Variants in EFHC2 observed in about 807,000 individuals in gnomAD.
EFHC2 encodes EF-hand domain-containing family member C2.
A neutral mutation model predicts 52.7 loss-of-function variants in EFHC2; 18 were observed. The ratio of observed to expected loss-of-function variants is 0.34; its 90% CI spans 0.24 to 0.51. The LOEUF is 0.51. Among genes scored for constraint, EFHC2 ranks in the 20% least tolerant of loss-of-function variants. The pLI is 0.97. For synonymous variants in EFHC2, 203 were observed against 204.1 expected (o/e 0.99, Z 0.04); for missense variants, 513 against 562.5 (o/e 0.91, Z 0.89).
intron 2 of EFHC2, among the ~76,000 whole-genome samples, chrX:44,274,649 A>T (rs1285107407): frequency 8.9e-6 from 1 of 111,880 alleles, no homozygotes; most frequent in Non-Finnish European, 1.9e-5. Flanking sequence ...ACAGTGGCTC[A>T]GGCCTGTGGC....
intron 4 of EFHC2, among the ~76,000 whole-genome samples, chrX:44,259,401 G>A (rs1178761166): frequency 9.1e-6 from 1 of 110,075 alleles, no homozygotes; most frequent in Non-Finnish European, 1.9e-5. Context: ...CTGTCAGGGG[G>A]TGGGGGGATA....
intron 2 of EFHC2, chrX:44,285,291 C>G (rs1357515122): frequency 2.7e-5 from 3 of 111,833 alleles, no homozygotes; most frequent in Non-Finnish European, 5.6e-5. Context: ...GAAGGCAGAT[C>G]CAAGAATTCT....
At chrX:44,162,359 G>T (rs1242530694) in intron 14 of EFHC2, among the ~76,000 whole-genome samples, 1 of 111,392 alleles carries the variant, frequency 9.0e-6, no homozygotes, top group East Asian at 2.8e-4. Context: ...GGAGGTGGAG[G>T]TTGTGGTGAG....
At chrX:44,156,602 A>T (rs10521433) in intron 14 of EFHC2, among the ~76,000 whole-genome samples, 20,401 of 111,433 alleles carry the variant, frequency 0.18, 1,731 homozygotes, top group East Asian at 0.28. Flanking sequence ...ATATCATCCT[A>T]TTGTGAAAGA....
intron 4 of EFHC2, among the ~76,000 whole-genome samples, chrX:44,254,640 C>T (rs1021031722): frequency 8.9e-5 from 10 of 111,886 alleles, no homozygotes; most frequent in African/African-American, 3.3e-4. Context: ...ACCAAACGTA[C>T]GTTTGATTGG....
At chrX:44,204,432 A>T (rs1474026700) in intron 11 of EFHC2, among the ~76,000 whole-genome samples, 5 of 111,454 alleles carry the variant, frequency 4.5e-5, no homozygotes, top group Non-Finnish European at 7.5e-5. Context: ...TTGCAAGGAA[A>T]CTCAACAATA....
chrX:44,253,780 C>G (rs929658433), intron 4 of EFHC2, among the ~76,000 whole-genome samples: 5 of 112,254 alleles, frequency 4.5e-5, no homozygotes, highest in Non-Finnish European at 9.4e-5. Flanking sequence ...TGCTAAAGGA[C>G]AGATTGCCTC....
At chrX:44,244,567 A>T (rs1602173189) in intron 7 of EFHC2, among the ~76,000 whole-genome samples, 1 of 112,480 alleles carries the variant, frequency 8.9e-6, no homozygotes, top group Non-Finnish European at 1.9e-5. Flanking sequence ...GTGACTTGTC[A>T]AAACATATAT....
chrX:44,272,725 C>T lies in EFHC2; in HGVS notation c.343G>A (p.Val115Ile). 10 of 1,170,144 alleles carry T rather than the reference C, an allele frequency of 8.5e-6. No individual in the cohort carries two copies. Among genetic ancestry groups the T allele is most frequent in the Non-Finnish European group, 1.0e-5 (9 of 873,942 alleles). ...YFYPEDDTIQ[V>I]NEPEVKNSGL... is the part of the protein sequence containing the mutation. The stretch of plus-strand genomic sequence containing the variant: ...CTATTTTTCACCTCTGGTTCATTTA[C>T]TTGAATTGTGTCATCTTCAGGGTAG... Residue 115 changes from valine (V) to isoleucine (I), a missense_variant, in exon 3 of 15, where the codon GTA becomes ATA. Physicochemically the swap from Val to Ile is conservative, Grantham distance 29 (BLOSUM62 3). Coordinates refer to ENST00000420999, the MANE Select transcript of EFHC2 (RefSeq NM_025184.4).
At chrX:44,320,823 T>C (rs959392921) in intron 1 of EFHC2, among the ~76,000 whole-genome samples, 4 of 109,805 alleles carry the variant, frequency 3.6e-5, no homozygotes, top group African/African-American at 1.3e-4. Flanking sequence ...CACTCTGGAT[T>C]ATCATACAAC....
At chrX:44,269,646 G>C (rs977313485) in intron 3 of EFHC2, among the ~76,000 whole-genome samples, 1 of 111,029 alleles carries the variant, frequency 9.0e-6, no homozygotes. Context: ...CTTCCACCAC[G>C]AGTAAAAGCT....
intron 4 of EFHC2, among the ~76,000 whole-genome samples, chrX:44,252,227 C>T (rs746203595): frequency 7.2e-5 from 8 of 111,815 alleles, no homozygotes; most frequent in Non-Finnish European, 1.5e-4. Context: ...TCTATTTGCA[C>T]TTTCGCAGCC....
At chrX:44,305,719 A>T (rs1395398444) in intron 2 of EFHC2, among the ~76,000 whole-genome samples, 1 of 111,521 alleles carries the variant, frequency 9.0e-6, no homozygotes, top group Non-Finnish European at 1.9e-5. Context: ...TTTCTCACAT[A>T]ACTACAAGTC....
chrX:44,208,759 A>G (rs1203973490), intron 11 of EFHC2, among the ~76,000 whole-genome samples: 1 of 112,153 alleles, frequency 8.9e-6, no homozygotes, highest in Non-Finnish European at 1.9e-5. Flanking sequence ...ATGGAAAATT[A>G]AAAGTCTGCA....
chrX:44,201,611 A>G (rs937419550), intron 11 of EFHC2, among the ~76,000 whole-genome samples: 6 of 111,647 alleles, frequency 5.4e-5, no homozygotes, highest in African/African-American at 6.5e-5. Context: ...AACCAACTCA[A>G]GAAGAAATAG....
chrX:44,333,081 A>G (rs1461867703), intron 1 of EFHC2, among the ~76,000 whole-genome samples: 1 of 111,610 alleles, frequency 9.0e-6, no homozygotes, highest in Non-Finnish European at 1.9e-5. Context: ...ACAATCACCT[A>G]TTAAGGACCC....
rs748556004 is a variant in EFHC2, at chrX:44,184,539, AT to A, written c.1752-5976del. Reference sequence around the variant, plus strand: ...GGGGTTCGAGATCAGCCTGGCCAACATGGCAAAACCCCGTCTCTACTAAAAA... The same window carrying A: ...GGGGTTCGAGATCAGCCTGGCCAACAGGCAAAACCCCGTCTCTACTAAAAA... On this transcript the variant is annotated intron_variant, in intron 11 of 14. Coordinates refer to ENST00000420999, the MANE Select transcript of EFHC2 (RefSeq NM_025184.4). Among the ~76,000 whole-genome samples the A allele has an allele frequency of 2.7e-3, 302 of 111,099 alleles. 1 individual carries two copies. The highest frequency in any genetic ancestry group is 9.4e-3 in the African/African-American group (286 of 30,555).
chrX:44,308,167 T>C (rs1446147582), intron 2 of EFHC2, among the ~76,000 whole-genome samples: 2 of 111,252 alleles, frequency 1.8e-5, no homozygotes, highest in Admixed American at 9.6e-5. Context: ...TATAAATGAA[T>C]TAACTCACAC....
At chrX:44,180,016 G>A (rs2036821448) in intron 11 of EFHC2, among the ~76,000 whole-genome samples, 1 of 111,905 alleles carries the variant, frequency 8.9e-6, no homozygotes. Flanking sequence ...TGTGAACTGA[G>A]GCACAGAAAT....
Sources: gnomAD v4.1 joint callset for allele counts (sites outside exome capture counted in the v4.1 genomes callset) on GRCh38, gnomAD v4.1.1 for gene constraint, MANE v1.5 for transcripts, NCBI Gene and HGNC (gene_info 2026-07-23, HGNC 2026-07-21) for gene names.